COL22A1: variants seen among roughly 807,000 people sequenced by gnomAD.
COL22A1 encodes the protein collagen type XXII alpha 1 chain, also known as collagen alpha-1(XXII) chain.
In COL22A1, 221 loss-of-function variants were observed where a neutral mutation model predicts 248.9. The observed-to-expected ratio is 0.89, with a 90% CI of 0.80 to 0.99. COL22A1 has a LOEUF of 0.99. COL22A1 is among the 50% of genes least tolerant of loss of function. The pLI, the probability that COL22A1 is intolerant of heterozygous loss-of-function variation, is 0.00. For synonymous variants in COL22A1, 891 were observed against 793.4 expected (o/e 1.12, Z -2.07); for missense variants, 2,240 against 2,179.0 (o/e 1.03, Z -0.56).
At chr8:138,660,053 C>T (rs79544989) in intron 44 of COL22A1, among the ~76,000 whole-genome samples, 2,811 of 152,298 alleles carry the variant, frequency 0.018, 81 homozygotes, top group African/African-American at 0.065. Flanking sequence ...GAATGTCTCC[C>T]GGGCTGGCTT....
intron 39 of COL22A1, among the ~76,000 whole-genome samples, chr8:138,682,787 C>T (rs866636652): frequency 6.6e-6 from 1 of 152,172 alleles, no homozygotes. Context: ...GCAACCTCCG[C>T]CTCCTGAGTT....
chr8:138,800,771 T>A (rs964945253), intron 11 of COL22A1, among the ~76,000 whole-genome samples: 2 of 152,204 alleles, frequency 1.3e-5, no homozygotes, highest in African/African-American at 2.4e-5. Context: ...GAATTCAGAA[T>A]GTCCTCCCAA....
chr8:138,898,410 C>T (rs1814287398), intron 1 of COL22A1, among the ~76,000 whole-genome samples: 2 of 147,490 alleles, frequency 1.4e-5, no homozygotes, highest in South Asian at 2.2e-4. Context: ...ATCCTTCATA[C>T]CCTCCGCCAC....
chr8:138,611,433 C>A (rs1157267454), intron 56 of COL22A1, among the ~76,000 whole-genome samples: 1 of 152,192 alleles, frequency 6.6e-6, no homozygotes, highest in Non-Finnish European at 1.5e-5. Flanking sequence ...ATGCAAAAGC[C>A]CAGTGAGGGA....
intron 62 of COL22A1, among the ~76,000 whole-genome samples, chr8:138,596,141 T>C (rs1185962339): frequency 6.6e-6 from 1 of 152,246 alleles, no homozygotes; most frequent in Non-Finnish European, 1.5e-5. Flanking sequence ...GAACTTCACC[T>C]GATCTTGGCA....
At chr8:138,600,732 A>G (rs1259013677) in intron 60 of COL22A1, among the ~76,000 whole-genome samples, 1 of 152,226 alleles carries the variant, frequency 6.6e-6, no homozygotes, top group African/African-American at 2.4e-5. Flanking sequence ...AGTGAATTCA[A>G]AAATAATAAT....
chr8:138,627,195 A>AGTT, intron 50 of COL22A1, among the ~76,000 whole-genome samples: 1 of 152,294 alleles, frequency 6.6e-6, no homozygotes, highest in East Asian at 1.9e-4. Flanking sequence ...ACAAAGATGG[A>AGTT]GTTATTATTA....
chr8:138,866,615 C>T (rs1337352731), intron 3 of COL22A1, among the ~76,000 whole-genome samples: 5 of 152,218 alleles, frequency 3.3e-5, no homozygotes, highest in Admixed American at 3.3e-4. Flanking sequence ...ATGAGATCAT[C>T]ACACCTATAT....
At chr8:138,645,006 A>T (rs1050337185) in intron 47 of COL22A1, among the ~76,000 whole-genome samples, 1 of 152,188 alleles carries the variant, frequency 6.6e-6, no homozygotes, top group Non-Finnish European at 1.5e-5. Context: ...TGGTGACAGT[A>T]AGTACAAGCA....
At chr8:138,634,380 G>C (rs1820971377) in intron 49 of COL22A1, among the ~76,000 whole-genome samples, 2 of 152,066 alleles carry the variant, frequency 1.3e-5, no homozygotes, top group Non-Finnish European at 2.9e-5. Context: ...CAGGGGACTG[G>C]TCCTGGGCTT....
intron 54 of COL22A1, 146 bp from the exon 55 acceptor site, chr8:138,616,200 A>G: frequency 1.4e-6 from 1 of 705,332 alleles, no homozygotes; most frequent in Admixed American, 2.3e-5. Flanking sequence ...CCCTGAGTTG[A>G]GGTCTGTGGC....
chr8:138,872,869 A>G (rs1823446087), intron 3 of COL22A1, among the ~76,000 whole-genome samples: 1 of 152,222 alleles, frequency 6.6e-6, no homozygotes, highest in Admixed American at 6.5e-5. Flanking sequence ...AACACTGGCC[A>G]TGCGTTACTG....
At chr8:138,650,762 C>T (rs1034427259) in intron 45 of COL22A1, among the ~76,000 whole-genome samples, 2 of 152,108 alleles carry the variant, frequency 1.3e-5, no homozygotes, top group Admixed American at 6.5e-5. Context: ...ATAATGCCCA[C>T]ACATTTAGCC....
intron 41 of COL22A1, among the ~76,000 whole-genome samples, chr8:138,675,447 G>A (rs1483115045): frequency 2.0e-5 from 3 of 152,172 alleles, no homozygotes; most frequent in African/African-American, 4.8e-5. Context: ...ACTAGACCAT[G>A]TATTACTCCA....
At chr8:138,902,018 A>G (rs761578603) in intron 1 of COL22A1, among the ~76,000 whole-genome samples, 29 of 152,114 alleles carry the variant, frequency 1.9e-4, no homozygotes, top group Non-Finnish European at 2.9e-4. Context: ...TGCCCAGCAG[A>G]GATAACTGCA....
chr8:138,615,515 A>C (rs1469179499), intron 55 of COL22A1, among the ~76,000 whole-genome samples: 2 of 145,948 alleles, frequency 1.4e-5, no homozygotes, highest in African/African-American at 2.5e-5. Flanking sequence ...TGGGCGACGG[A>C]GTGAGACTCC....
Position 138,594,195 on chromosome 8 carries a change from T to C in COL22A1, c.4437A>G (p.Arg1479=). The C allele has an allele frequency of 6.4e-7, 1 of 1,569,080 alleles. No homozygotes were observed. Residue 1479 remains arginine (R), a synonymous_variant, in exon 63 of 65, where the codon AGA becomes AGG. Transcript: ENST00000303045. ...QEELGKQLET[R]LAYLLAQMPP... ...GCATCTGGGCCAGGAGGTAGGCGAG[T>C]CTGGCTGTAAAGTAGAAAAAGAGAG... is the stretch of plus-strand genomic sequence containing the variant.
chr8:138,772,268 C>G (rs11780307), intron 16 of COL22A1, among the ~76,000 whole-genome samples: 111,460 of 152,190 alleles, frequency 0.73, 40,983 homozygotes, highest in Middle Eastern at 0.84. Flanking sequence ...TACCAGCTCA[C>G]GCAGGGAAGA....
intron 22 of COL22A1, among the ~76,000 whole-genome samples, chr8:138,749,857 G>T (rs1384121507): frequency 6.6e-6 from 1 of 152,150 alleles, no homozygotes; most frequent in African/African-American, 2.4e-5. Flanking sequence ...CCAGGGGTGG[G>T]GATGCTGAAT....
Sources: allele counts gnomAD v4.1 joint callset (sites outside exome capture counted in the v4.1 genomes callset), GRCh38; gene constraint gnomAD v4.1.1; transcripts MANE v1.5; gene names NCBI Gene and HGNC (gene_info 2026-07-23, HGNC 2026-07-21).